The following FBXL17 variants were observed in gnomAD, a reference collection of about 807,000 sequenced individuals.
FBXL17 encodes the protein F-box/LRR-repeat protein 17.
A neutral mutation model predicts 66.2 loss-of-function variants in FBXL17; 22 were observed. The ratio of observed to expected loss-of-function variants is 0.33; its 90% CI spans 0.24 to 0.47. The LOEUF is 0.47. FBXL17 is among the 20% of genes least tolerant of loss of function. FBXL17 has a pLI of 1.00. For missense variants in FBXL17, 878 were observed against 948.2 expected, an observed-to-expected ratio of 0.93 and a Z score of 0.97; for synonymous variants, 474 against 400.5, an observed-to-expected ratio of 1.18 and a Z score of -2.19.
At chr5:108,337,122 G>A (rs1195136669) in intron 4 of FBXL17, among the ~76,000 whole-genome samples, 2 of 151,924 alleles carry the variant, frequency 1.3e-5, no homozygotes, top group Non-Finnish European at 2.9e-5. Context: ...TGGGCGTGGT[G>A]GTGCACGCCT....
chr5:107,954,764 T>C (rs748454206), intron 7 of FBXL17, among the ~76,000 whole-genome samples: 8 of 151,870 alleles, frequency 5.3e-5, no homozygotes, highest in East Asian at 3.9e-4. Flanking sequence ...TGAAGGACAA[T>C]TGAGATAAAT....
intron 7 of FBXL17, among the ~76,000 whole-genome samples, chr5:107,971,703 A>G (rs11242656): frequency 0.41 from 61,607 of 151,994 alleles, 12,682 homozygotes; most frequent in South Asian, 0.5. Flanking sequence ...TAGTTGATAA[A>G]GTGAAACAAA....
chr5:107,870,142 G>T (rs1324249848), intron 8 of FBXL17, among the ~76,000 whole-genome samples: 1 of 152,162 alleles, frequency 6.6e-6, no homozygotes, highest in Non-Finnish European at 1.5e-5. Context: ...CCAAAACATA[G>T]ATCAGGTGAG....
chr5:107,943,350 C>T (rs751296366), intron 7 of FBXL17, among the ~76,000 whole-genome samples: 1 of 152,132 alleles, frequency 6.6e-6, no homozygotes, highest in African/African-American at 2.4e-5. Flanking sequence ...ACAGAAAACA[C>T]CATTCATCTA....
At chr5:107,901,279 G>A (rs1580696803) in intron 7 of FBXL17, among the ~76,000 whole-genome samples, 1 of 152,026 alleles carries the variant, frequency 6.6e-6, no homozygotes, top group Non-Finnish European at 1.5e-5. Flanking sequence ...CACTTTTGTG[G>A]GTCAAAAATT....
At chr5:107,931,673 C>T (rs926102213) in intron 7 of FBXL17, among the ~76,000 whole-genome samples, 6 of 152,024 alleles carry the variant, frequency 3.9e-5, no homozygotes, top group African/African-American at 1.4e-4. Context: ...AAAACAGAGT[C>T]TCTAGAATAT....
chr5:107,978,899 A>G (rs1313280752), intron 7 of FBXL17, among the ~76,000 whole-genome samples: 1 of 152,222 alleles, frequency 6.6e-6, no homozygotes, highest in Non-Finnish European at 1.5e-5. Flanking sequence ...AGGGGGCAGG[A>G]AGAATTTGTC....
At chr5:108,370,587 A>G (rs1442122889) in intron 1 of FBXL17, among the ~76,000 whole-genome samples, 2 of 152,108 alleles carry the variant, frequency 1.3e-5, no homozygotes, top group Admixed American at 1.3e-4. Flanking sequence ...TACTAAAAAT[A>G]CAAAAATTAG....
intron 6 of FBXL17, among the ~76,000 whole-genome samples, chr5:108,180,438 A>C (rs1319412522): frequency 1.3e-5 from 2 of 152,070 alleles, no homozygotes; most frequent in African/African-American, 2.4e-5. Flanking sequence ...CCCGGGAAGC[A>C]GAGGTTGCAG....
At chr5:108,296,257 G>A (rs1758346101) in intron 4 of FBXL17, among the ~76,000 whole-genome samples, 1 of 151,704 alleles carries the variant, frequency 6.6e-6, no homozygotes, top group South Asian at 2.1e-4. Context: ...AAGTGGATAA[G>A]GAAAAAGCAA....
At chr5:108,281,681 G>A (rs534091423) in intron 4 of FBXL17, among the ~76,000 whole-genome samples, 5 of 151,666 alleles carry the variant, frequency 3.3e-5, no homozygotes, top group African/African-American at 7.2e-5. Context: ...AAATAACAAC[G>A]ATCAGAGCAG....
chr5:107,872,864 G>A (rs1748500648), intron 8 of FBXL17, among the ~76,000 whole-genome samples: 1 of 152,240 alleles, frequency 6.6e-6, no homozygotes, highest in Admixed American at 6.5e-5. Context: ...GATGGCGAAT[G>A]CAGAGATAGC....
chr5:107,894,521 C>G (rs934956961), intron 7 of FBXL17, among the ~76,000 whole-genome samples: 1 of 152,114 alleles, frequency 6.6e-6, no homozygotes, highest in Non-Finnish European at 1.5e-5. Context: ...GCATATGATG[C>G]AAGATTCCCT....
intron 6 of FBXL17, among the ~76,000 whole-genome samples, chr5:108,057,916 T>C (rs181901729): frequency 3.3e-5 from 5 of 152,188 alleles, no homozygotes; most frequent in Non-Finnish European, 5.9e-5. Flanking sequence ...AGTTTATCCA[T>C]AAAAAACACC....
chr5:108,007,569 C>T (rs1009708109), intron 7 of FBXL17, among the ~76,000 whole-genome samples: 4 of 151,854 alleles, frequency 2.6e-5, no homozygotes, highest in Admixed American at 6.6e-5. Flanking sequence ...GCCCACTGCA[C>T]GTAAAAAATG....
chr5:108,222,800 A>G (rs942236033), intron 5 of FBXL17, among the ~76,000 whole-genome samples: 3 of 151,096 alleles, frequency 2.0e-5, no homozygotes, highest in Non-Finnish European at 4.4e-5. Context: ...CAGCCTCCCA[A>G]GTAGCTGGGA....
intron 6 of FBXL17, among the ~76,000 whole-genome samples, chr5:108,100,214 A>G (rs1749547785): frequency 6.6e-6 from 1 of 152,198 alleles, no homozygotes; most frequent in South Asian, 2.1e-4. Context: ...AAAGTACCTT[A>G]GATCTTTGGA....
intron 6 of FBXL17, among the ~76,000 whole-genome samples, chr5:108,164,070 C>T (rs1752321272): frequency 6.6e-6 from 1 of 152,128 alleles, no homozygotes; most frequent in Non-Finnish European, 1.5e-5. Context: ...TATAAAATTA[C>T]TCCGAAACAG....
intron 6 of FBXL17, among the ~76,000 whole-genome samples, chr5:108,171,438 C>T (rs2150016811): frequency 6.6e-6 from 1 of 152,294 alleles, no homozygotes; most frequent in South Asian, 2.1e-4. Flanking sequence ...CCTATCTGTG[C>T]TCCATTTTAC....
Sources: gnomAD v4.1 joint callset for allele counts (sites outside exome capture counted in the v4.1 genomes callset) on GRCh38, gnomAD v4.1.1 for gene constraint, MANE v1.5 for transcripts, NCBI Gene and HGNC (gene_info 2026-07-23, HGNC 2026-07-21) for gene names.